CNTNAP2: variants seen among roughly 807,000 people sequenced by gnomAD.
CNTNAP2 encodes the protein contactin associated protein 2.
In CNTNAP2, 98 loss-of-function variants were observed where a neutral mutation model predicts 155.2. The observed-to-expected ratio is 0.63, with a 90% confidence interval of 0.54 to 0.75. CNTNAP2 has a LOEUF of 0.75. Ranked by LOEUF, CNTNAP2 falls within the 30% of genes least tolerant of loss-of-function variation. CNTNAP2 has a pLI of 0.00. For missense variants in CNTNAP2, 1,727 were observed against 1,688.1 expected (o/e 1.02, Z -0.40); for synonymous variants, 651 against 631.2 (o/e 1.03, Z -0.47).
intron 1 of CNTNAP2, among the ~76,000 whole-genome samples, chr7:146,401,181 A>G (rs1208447907): frequency 3.9e-5 from 6 of 152,154 alleles, no homozygotes; most frequent in African/African-American, 1.2e-4. Context: ...AATGTTTTCT[A>G]TACATTCTCC....
intron 15 of CNTNAP2, among the ~76,000 whole-genome samples, chr7:148,071,510 G>A (rs1228438176): frequency 2.6e-5 from 4 of 151,978 alleles, no homozygotes; most frequent in Admixed American, 2.6e-4. Context: ...CACAAAATAT[G>A]GATAAAATAT....
chr7:147,814,302 C>A (rs1274834815), intron 13 of CNTNAP2, among the ~76,000 whole-genome samples: 1 of 152,106 alleles, frequency 6.6e-6, no homozygotes, highest in Non-Finnish European at 1.5e-5. Context: ...ATCTAGAAAG[C>A]TTTTGTTACA....
chr7:147,704,083 C>T (rs567945919), intron 13 of CNTNAP2, among the ~76,000 whole-genome samples: 71 of 152,190 alleles, frequency 4.7e-4, no homozygotes, highest in African/African-American at 1.6e-3. Context: ...GCAGTAATTG[C>T]GGTTTTTGCA....
chr7:147,563,181 G>A (rs1478603806), intron 12 of CNTNAP2, among the ~76,000 whole-genome samples: 2 of 152,246 alleles, frequency 1.3e-5, no homozygotes, highest in South Asian at 2.1e-4. Flanking sequence ...ATCTTTATCT[G>A]TAAATGAATT....
rs1554451868 is a variant in CNTNAP2 at position 147,936,303 on chromosome 7, T to TG, written c.2255+32582_2255+32583insG. On this transcript the variant is annotated intron_variant, in intron 14 of 23. Transcript: ENST00000361727. Reference sequence around the variant, plus strand: ...TACTGTACACGACATTTATTTTATTTTTTTTTTTTTGCACTCACTTATTTT... The same window carrying TG: ...TACTGTACACGACATTTATTTTATTTGTTTTTTTTTTGCACTCACTTATTTT... Among the ~76,000 whole-genome samples the TG allele has an allele frequency of 1.9e-3, 290 of 150,248 alleles. 9 individuals carry two copies. In the East Asian group the frequency reaches 0.042, roughly 22 times the overall value.
intron 15 of CNTNAP2, among the ~76,000 whole-genome samples, chr7:148,025,354 G>A (rs114269925): frequency 0.041 from 6,238 of 152,156 alleles, 413 homozygotes; most frequent in African/African-American, 0.14. Flanking sequence ...TACTGACTCA[G>A]TGCACAAAGA....
intron 14 of CNTNAP2, 24 bp from the exon 15 acceptor site, chr7:147,977,838 T>C (rs1801456334): frequency 6.2e-7 from 1 of 1,613,850 alleles, no homozygotes; most frequent in South Asian, 1.1e-5. Flanking sequence ...CCTCATTCTT[T>C]TTCTGTCTTT....
intron 1 of CNTNAP2, among the ~76,000 whole-genome samples, chr7:146,512,597 A>C (rs796069806): frequency 3.0e-4 from 45 of 151,440 alleles, no homozygotes; most frequent in African/African-American, 1.1e-3. Context: ...AGAGTTTCCA[A>C]GGTTTTTCTT....
At chr7:147,552,574 ACACACACACACACAC>A in intron 11 of CNTNAP2, among the ~76,000 whole-genome samples, 1 of 70,310 alleles carries the variant, frequency 1.4e-5, no homozygotes, top group African/African-American at 4.1e-5. Context: ...TTTCCTCAAC[ACACACACACACACAC>A]ACACACACAC....
At chr7:146,980,957 T>C (rs1176355385) in intron 3 of CNTNAP2, among the ~76,000 whole-genome samples, 2 of 152,148 alleles carry the variant, frequency 1.3e-5, no homozygotes, top group Admixed American at 6.6e-5. Flanking sequence ...CTGCTTTTTC[T>C]ACCCCTTAGC....
intron 10 of CNTNAP2, among the ~76,000 whole-genome samples, chr7:147,432,992 T>C (rs1797491011): frequency 6.6e-6 from 1 of 152,194 alleles, no homozygotes; most frequent in African/African-American, 2.4e-5. Context: ...AAAACACTGG[T>C]GCCTGGCAGT....
At chr7:147,529,535 A>G (rs1258471741) in intron 11 of CNTNAP2, among the ~76,000 whole-genome samples, 1 of 151,818 alleles carries the variant, frequency 6.6e-6, no homozygotes, top group Non-Finnish European at 1.5e-5. Flanking sequence ...CAAAGTAACA[A>G]TGCTGTTTTT....
intron 13 of CNTNAP2, among the ~76,000 whole-genome samples, chr7:147,844,864 T>A (rs368973646): frequency 2.3e-3 from 262 of 111,512 alleles, no homozygotes; most frequent in Non-Finnish European, 3.2e-3. Context: ...ATGTGGTTTT[T>A]GTCTTTGGCT....
At chr7:147,415,219 C>T (rs1301025784) in intron 10 of CNTNAP2, among the ~76,000 whole-genome samples, 2 of 152,136 alleles carry the variant, frequency 1.3e-5, no homozygotes, top group African/African-American at 4.8e-5. Flanking sequence ...CCACCTTGGT[C>T]TGTCTTATTA....
chr7:148,327,886 A>C (rs1327308046), intron 21 of CNTNAP2, among the ~76,000 whole-genome samples: 3 of 151,656 alleles, frequency 2.0e-5, no homozygotes, highest in African/African-American at 7.3e-5. Context: ...AATCATCTCC[A>C]CACTGGATCC....
chr7:146,139,680 A>C (rs1011789215), intron 1 of CNTNAP2, among the ~76,000 whole-genome samples: 2 of 152,144 alleles, frequency 1.3e-5, no homozygotes, highest in African/African-American at 4.8e-5. Context: ...GTTATTTTAA[A>C]AAATATTAAT....
intron 8 of CNTNAP2, among the ~76,000 whole-genome samples, chr7:147,158,928 C>T (rs1464418922): frequency 6.6e-6 from 1 of 152,190 alleles, no homozygotes; most frequent in East Asian, 1.9e-4. Context: ...ATCCATAAAA[C>T]TGATGTATAA....
chr7:148,269,569 A>T (rs1404454984), intron 21 of CNTNAP2, among the ~76,000 whole-genome samples: 1 of 152,246 alleles, frequency 6.6e-6, no homozygotes, highest in Non-Finnish European at 1.5e-5. Flanking sequence ...AAGCAGAAGA[A>T]GGTCAATTTG....
intron 2 of CNTNAP2, among the ~76,000 whole-genome samples, chr7:146,799,674 C>G (rs1329737767): frequency 2.0e-5 from 3 of 152,152 alleles, no homozygotes; most frequent in Non-Finnish European, 4.4e-5. Flanking sequence ...ATGCAGCTGA[C>G]TCCTCCACAC....
Sources: gnomAD v4.1 joint callset for allele counts (sites outside exome capture counted in the v4.1 genomes callset) on GRCh38, gnomAD v4.1.1 for gene constraint, MANE v1.5 for transcripts, NCBI Gene and HGNC (gene_info 2026-07-23, HGNC 2026-07-21) for gene names.